NPEPL1: variants seen among roughly 807,000 people sequenced by gnomAD.
NPEPL1 encodes aminopeptidase like 1.
In NPEPL1, 45 loss-of-function variants were observed where a neutral mutation model predicts 52.4. The ratio of observed to expected loss-of-function variants is 0.86; its 90% CI spans 0.68 to 1.10. The LOEUF (loss-of-function observed/expected upper bound fraction) is 1.10. Among genes scored for constraint, NPEPL1 ranks in the 50% least tolerant of loss-of-function variants. The pLI is 0.00. For missense variants in NPEPL1, 696 were observed against 710.9 expected (o/e 0.98, Z 0.24); for synonymous variants, 360 against 314.7 (o/e 1.14, Z -1.52).
In NPEPL1 at chr20:58,715,369, C is replaced by G. The variant is rs555366186; in HGVS notation, c.*43C>G. 9.8e-6 allele frequency: 15 copies of G among 1,524,154 alleles called. No homozygotes were observed. Among genetic ancestry groups the G allele is most frequent in the Non-Finnish European group, 1.3e-5 (15 of 1,134,544 alleles). The allele number at this position is 1,524,154 out of a possible 1,614,324, so 94.4% of individuals were successfully genotyped here. ...TGACAAACGGGGATCTTTTACCTCA[C>G]TTTGCACTGATTAATTTTAAGCAAT... On this transcript the variant is annotated 3_prime_UTR_variant, in exon 12 of 12. Coordinates refer to ENST00000356091, the MANE Select transcript of NPEPL1 (RefSeq NM_024663.4).
Position 58,693,141 on chromosome 20 carries a change from C to T in NPEPL1, c.150+91C>T, listed in dbSNP as rs1226733937. 5.9e-6 allele frequency: 5 copies of T among 851,374 alleles called. No homozygotes were observed. In the African/African-American group the frequency reaches 7.4e-5, roughly 13 times the overall value. 52.7% of individuals were successfully genotyped at this position (851,374 alleles called of 1,614,324 possible). ...GGCCCCGCCTCGCCCGCCGCACCCCCGCCGCCGCCGGGCCGGGCCCAACGA... is the reference window on the plus strand; with the variant it reads ...GGCCCCGCCTCGCCCGCCGCACCCCTGCCGCCGCCGGGCCGGGCCCAACGA... On this transcript the variant is annotated intron_variant, in intron 1 of 11. Coordinates refer to ENST00000356091, the MANE Select transcript of NPEPL1 (RefSeq NM_024663.4).
rs753169899 is a variant in NPEPL1, at chr20:58,694,406, T to C, written c.337-16T>C. 3 of 1,594,240 alleles carry C rather than the reference T, an allele frequency of 1.9e-6. No homozygotes were observed. On this transcript the variant is annotated splice_polypyrimidine_tract_variant and intron_variant, in intron 2 of 11. Transcript: ENST00000356091. The stretch of plus-strand genomic sequence containing the variant: ...CGGCCCTTGCACCCCTCACGCCGTC[T>C]CCCTATGTGCCACAGATGGTCTGCG...
intron 6 of NPEPL1, among the ~76,000 whole-genome samples, chr20:58,702,815 G>T (rs575947745): frequency 6.6e-6 from 1 of 152,138 alleles, no homozygotes; most frequent in Non-Finnish European, 1.5e-5. Context: ...TCTTTAATAC[G>T]GTATCATTTG....
At chr20:58,694,072 TC>T in intron 2 of NPEPL1, 150 bp downstream of exon 2, 1 of 838,526 alleles carries the variant, frequency 1.2e-6, no homozygotes, top group Non-Finnish European at 1.8e-6. Flanking sequence ...GGGAAACAGG[TC>T]CAGAGAGACG....
At chr20:58,707,716 G>C (rs1352860386) in intron 7 of NPEPL1, among the ~76,000 whole-genome samples, 8 of 140,274 alleles carry the variant, frequency 5.7e-5, no homozygotes, top group African/African-American at 1.8e-4. Context: ...CGGGGGGCGT[G>C]GGGGGGGTGG....
chr20:58,694,952 G>A (rs2084431860), intron 3 of NPEPL1, among the ~76,000 whole-genome samples: 1 of 152,212 alleles, frequency 6.6e-6, no homozygotes, highest in Non-Finnish European at 1.5e-5. Context: ...GTGTGTTGCT[G>A]TGCGTGTATG....
intron 11 of NPEPL1, chr20:58,714,927 C>T (rs2084923860): frequency 3.3e-6 from 2 of 614,228 alleles, no homozygotes; most frequent in South Asian, 4.0e-5. Flanking sequence ...CCCTGAGGAG[C>T]TCCCGGGGTG....
intron 6 of NPEPL1, chr20:58,703,885 T>C: frequency 1.0e-6 from 1 of 985,270 alleles, no homozygotes; most frequent in Non-Finnish European, 1.2e-6. Context: ...AATGCGACTA[T>C]AGCCCCTGCC....
chr20:58,693,380 C>G (rs2084395457), intron 1 of NPEPL1: 1 of 195,952 alleles, frequency 5.1e-6, no homozygotes, highest in East Asian at 1.2e-4. Flanking sequence ...CCCTGGCTTC[C>G]AGAAGTTCCC....
chr20:58,693,489 C>T, intron 1 of NPEPL1: 1 of 432,090 alleles, frequency 2.3e-6, no homozygotes, highest in South Asian at 5.2e-5. Flanking sequence ...GGAAGCAAAG[C>T]AGCCCCCAGC....
chr20:58,707,898 G>A (rs1343964325), intron 7 of NPEPL1, among the ~76,000 whole-genome samples: 2 of 152,164 alleles, frequency 1.3e-5, no homozygotes, highest in Admixed American at 1.3e-4. Context: ...TAGCAACCTT[G>A]CAAGACCCCG....
chr20:58,712,615 T>C, intron 8 of NPEPL1, 36 bp downstream of exon 8: 1 of 1,475,026 alleles, frequency 6.8e-7, no homozygotes, highest in Non-Finnish European at 9.5e-7. Context: ...CTGCCCACTG[T>C]TGGAACTCGC....
intron 7 of NPEPL1, among the ~76,000 whole-genome samples, chr20:58,709,294 C>T (rs1409708330): frequency 2.0e-5 from 3 of 152,050 alleles, no homozygotes; most frequent in Non-Finnish European, 4.4e-5. Context: ...AAGGAATACG[C>T]CTCTGTCTGA....
At chr20:58,705,469 G>A (rs1015841934) in intron 6 of NPEPL1, 18 of 456,100 alleles carry the variant, frequency 3.9e-5, no homozygotes, top group Admixed American at 1.4e-4. Flanking sequence ...AAATTCTAAC[G>A]TGAAATTGGC....
Position 58,692,973 on chromosome 20 carries a change from C to T in NPEPL1, c.73C>T (p.Leu25Phe). Reference protein sequence around the residue: ...SDPQSRPLLLLGQLHHLHRVP... With the variant: ...SDPQSRPLLLFGQLHHLHRVP... ...CCCACAGAGCCGGCCCCTGCTGCTG[C>T]TCGGGCAGCTGCACCACCTGCACCG... Residue 25 changes from leucine (L) to phenylalanine (F), a missense_variant, in exon 1 of 12, where the codon CTC becomes TTC. Coordinates refer to ENST00000356091, the MANE Select transcript of NPEPL1 (RefSeq NM_024663.4). This position sits in a 1 kb window ranked among gnomAD's most constrained non-coding sequence, Gnocchi z 5.7. 1 of 1,192,360 alleles carries T rather than the reference C, an allele frequency of 8.4e-7. No individual in the cohort carries two copies. Among genetic ancestry groups the T allele is most frequent in the Non-Finnish European group, 1.1e-6 (1 of 942,770 alleles). The allele number at this position is 1,192,360 out of a possible 1,614,324, so 73.9% of individuals were successfully genotyped here.
In NPEPL1 at chr20:58,701,038, C is replaced by T. The variant is rs375915766; in HGVS notation, c.702C>T (p.Ala234=). 7.4e-5 allele frequency: 118 copies of T among 1,592,954 alleles called. No individual in the cohort carries two copies. The highest frequency in any genetic ancestry group is 2.7e-4 in the African/African-American group (20 of 74,252). ...TAGGAATCTATGGGGTTGGCAAAGC[C>T]GCCCTGCATCCCCCAGCCCTGGCCG... ...GFGGIYGVGK[A]ALHPPALAVL... The change falls in exon 6 of 12, where the codon GCC becomes GCT. Residue 234 remains alanine (A), a synonymous_variant. Coordinates refer to ENST00000356091, the MANE Select transcript of NPEPL1 (RefSeq NM_024663.4).
chr20:58,712,942 G>A, intron 8 of NPEPL1: 1 of 386,340 alleles, frequency 2.6e-6, no homozygotes, highest in Non-Finnish European at 5.0e-6. Flanking sequence ...TCCCCCTTGA[G>A]ATTGACCCTG....
chr20:58,701,016 G>C lies in NPEPL1; in HGVS notation c.680G>C (p.Gly227Ala). The change falls in exon 6 of 12, where the codon GGA (glycine) becomes GCA (alanine). Residue 227 changes from glycine (G) to alanine (A), a missense_variant and splice_region_variant. By Grantham distance (60) the Gly-to-Ala change is moderately conservative (BLOSUM62 0). Transcript: ENST00000356091. Reference sequence around the variant, plus strand: ...CCAGTTCTCCCCACGCTTTCCATAGGAATCTATGGGGTTGGCAAAGCCGCC... The same window carrying C: ...CCAGTTCTCCCCACGCTTTCCATAGCAATCTATGGGGTTGGCAAAGCCGCC... ...DEELKTRGFG[G>A]IYGVGKAALH... 2.5e-6 allele frequency: 4 copies of C among 1,579,112 alleles called. No homozygotes were observed. The highest frequency in any genetic ancestry group is 3.4e-6 in the Non-Finnish European group (4 of 1,162,806).
At position 58,713,783 on chromosome 20, in the gene NPEPL1, G is replaced by GT. The variant is rs965029653; in HGVS notation, c.1126-128dup. The GT allele has an allele frequency of 5.2e-6, 6 of 1,160,780 alleles. No individual in the cohort carries two copies. Among genetic ancestry groups the GT allele is most frequent in the South Asian group, 3.8e-5 (2 of 52,496 alleles). 71.9% of individuals were successfully genotyped at this position (1,160,780 alleles called of 1,614,324 possible). A position where few individuals can be genotyped will look rare whatever the true frequency, so the allele number is the denominator to read the frequency against. On this transcript the variant is annotated intron_variant, in intron 9 of 11. Transcript: ENST00000356091. The surrounding 1 kb of genome is among the most constrained non-coding windows in gnomAD (Gnocchi z 4.6). ...CATGGCCATGGTCCTTTCTGCCTGTGTTTTTTCTTTTTTTCTCAACCGTCT... is the reference window on the plus strand; with the variant it reads ...CATGGCCATGGTCCTTTCTGCCTGTGTTTTTTTCTTTTTTTCTCAACCGTCT...
Sources: allele counts gnomAD v4.1 joint callset (sites outside exome capture counted in the v4.1 genomes callset), GRCh38; gene constraint gnomAD v4.1.1; non-coding constraint Gnocchi (gnomAD v3.1); transcripts MANE v1.5; gene names NCBI Gene and HGNC (gene_info 2026-07-23, HGNC 2026-07-21).